SORBS2: variants seen among roughly 807,000 people sequenced by gnomAD.
SORBS2 encodes sorbin and SH3 domain-containing protein 2.
A neutral mutation model predicts 97.7 loss-of-function variants in SORBS2; 46 were observed. The ratio of observed to expected loss-of-function variants is 0.47; its 90% CI spans 0.37 to 0.60. The LOEUF is 0.60. Among genes scored for constraint, SORBS2 ranks in the 20% least tolerant of loss-of-function variants. The pLI, the probability that SORBS2 is intolerant of heterozygous loss-of-function variation, is 0.00. For missense variants in SORBS2, 1,316 were observed against 1,282.3 expected (o/e 1.03, Z -0.40); for synonymous variants, 476 against 473.4 (o/e 1.01, Z -0.07).
In SORBS2 at chr4:185,673,006, T is replaced by C. The variant is rs116697987; in HGVS notation, c.-46+5417A>G. ...GGACAAATAGATAAAGACAACGTGG[T>C]GTATACGCATACTAGGATACTATTC... On this transcript the variant is annotated intron_variant, in intron 4 of 20. Transcript: ENST00000284776. 6.1e-3 allele frequency among the ~76,000 whole-genome samples: 926 copies of C among 152,276 alleles called. 6 individuals are homozygous for C. Among genetic ancestry groups the C allele is most frequent in the African/African-American group, 0.021 (852 of 41,556 alleles).
At chr4:185,593,886 G>A (rs748395069) in exon 13 of SORBS2, 50 of 1,594,468 alleles carry the variant, frequency 3.1e-5, no homozygotes, top group Non-Finnish European at 4.3e-5. Context: ...GAATACTTAC[G>A]GTTCCCCCCC....
chr4:185,944,690 C>T (rs2099273696), intron 1 of SORBS2, among the ~76,000 whole-genome samples: 1 of 152,146 alleles, frequency 6.6e-6, no homozygotes, highest in African/African-American at 2.4e-5. Context: ...ATTGCAGATA[C>T]TCATGAGACA....
chr4:185,951,071 T>A (rs2099277002), intron 1 of SORBS2, among the ~76,000 whole-genome samples: 1 of 152,170 alleles, frequency 6.6e-6, no homozygotes, highest in Non-Finnish European at 1.5e-5. Flanking sequence ...GACATCATAC[T>A]CAACAAAACA....
intron 1 of SORBS2, among the ~76,000 whole-genome samples, chr4:185,919,122 T>C (rs1210229620): frequency 1.3e-5 from 2 of 152,206 alleles, no homozygotes; most frequent in East Asian, 3.8e-4. Context: ...TGAATTTCTT[T>C]AGTGCAGTCA....
intron 13 of SORBS2, among the ~76,000 whole-genome samples, chr4:185,590,668 G>A (rs548844749): frequency 6.6e-6 from 1 of 152,142 alleles, no homozygotes; most frequent in Non-Finnish European, 1.5e-5. Flanking sequence ...TACTGTGGTG[G>A]AAATTGATCA....
chr4:185,679,691 T>C (rs138636251), intron 2 of SORBS2, among the ~76,000 whole-genome samples: 2 of 152,328 alleles, frequency 1.3e-5, no homozygotes, highest in African/African-American at 2.4e-5. Flanking sequence ...GGTTGGATCA[T>C]TAGCCCAACC....
chr4:185,681,903 A>G (rs774758980), intron 2 of SORBS2, among the ~76,000 whole-genome samples: 1 of 152,132 alleles, frequency 6.6e-6, no homozygotes, highest in Non-Finnish European at 1.5e-5. Flanking sequence ...ATCCCTTTTA[A>G]CTGATATGCT....
At chr4:185,874,880 A>G (rs2099232591) in intron 1 of SORBS2, among the ~76,000 whole-genome samples, 1 of 100,920 alleles carries the variant, frequency 9.9e-6, no homozygotes, top group African/African-American at 3.1e-5. Flanking sequence ...TTTGCATGCT[A>G]CAGTATATTG....
At chr4:185,934,367 G>A (rs1243139807) in intron 1 of SORBS2, among the ~76,000 whole-genome samples, 1 of 152,152 alleles carries the variant, frequency 6.6e-6, no homozygotes, top group Non-Finnish European at 1.5e-5. Flanking sequence ...CAGTGAAACA[G>A]AATGAAGACA....
intron 1 of SORBS2, among the ~76,000 whole-genome samples, chr4:185,890,477 G>T (rs2099241908): frequency 6.6e-6 from 1 of 152,142 alleles, no homozygotes; most frequent in South Asian, 2.1e-4. Flanking sequence ...GTTTAGCCAG[G>T]ATTAGAACTG....
chr4:185,885,188 T>C (rs1347339513), intron 1 of SORBS2, among the ~76,000 whole-genome samples: 1 of 152,220 alleles, frequency 6.6e-6, no homozygotes, highest in Non-Finnish European at 1.5e-5. Context: ...AAGTAAGTGG[T>C]CTTTGTAGCC....
intron 1 of SORBS2, among the ~76,000 whole-genome samples, chr4:185,934,505 A>T (rs2099267980): frequency 6.6e-6 from 1 of 152,190 alleles, no homozygotes; most frequent in Admixed American, 6.5e-5. Flanking sequence ...TCACACCTGT[A>T]ATCCCAGCAC....
intron 7 of SORBS2, among the ~76,000 whole-genome samples, chr4:185,621,476 A>T (rs1172015748): frequency 6.6e-6 from 1 of 152,216 alleles, no homozygotes; most frequent in East Asian, 1.9e-4. Flanking sequence ...TTATATTAGG[A>T]TATTAAAAGC....
chr4:185,666,225 T>C (rs1308537039), intron 4 of SORBS2: 1 of 1,187,728 alleles, frequency 8.4e-7, no homozygotes, highest in Non-Finnish European at 1.1e-6. Context: ...GAGGAAAAAA[T>C]AATAAGAGAT....
At chr4:185,853,968 G>C (rs1212241770) in intron 1 of SORBS2, among the ~76,000 whole-genome samples, 2 of 152,324 alleles carry the variant, frequency 1.3e-5, no homozygotes, top group East Asian at 3.9e-4. Flanking sequence ...ATAGGAGTCA[G>C]AGTTTAAGAA....
At chr4:185,791,470 A>G (rs2153646590) in intron 1 of SORBS2, among the ~76,000 whole-genome samples, 1 of 152,256 alleles carries the variant, frequency 6.6e-6, no homozygotes, top group Admixed American at 6.5e-5. Context: ...ACAGTGGAGA[A>G]AAGTGAATGA....
chr4:185,613,461 A>G (rs1484027891), intron 11 of SORBS2, among the ~76,000 whole-genome samples: 1 of 152,032 alleles, frequency 6.6e-6, no homozygotes, highest in Non-Finnish European at 1.5e-5. Flanking sequence ...CAGCCTGGCC[A>G]ACATAGTGAA....
chr4:185,813,306 C>T (rs2099189983), intron 1 of SORBS2, among the ~76,000 whole-genome samples: 1 of 152,120 alleles, frequency 6.6e-6, no homozygotes, highest in African/African-American at 2.4e-5. Context: ...AGTATTAATT[C>T]CCAAATTTTG....
intron 2 of SORBS2, among the ~76,000 whole-genome samples, chr4:185,700,540 A>C (rs2098246197): frequency 6.6e-6 from 1 of 152,210 alleles, no homozygotes; most frequent in African/African-American, 2.4e-5. Flanking sequence ...TATGCTTTAA[A>C]TTGACAAGAA....
Sources: allele counts gnomAD v4.1 joint callset (sites outside exome capture counted in the v4.1 genomes callset), GRCh38; gene constraint gnomAD v4.1.1; transcripts MANE v1.5; gene names NCBI Gene and HGNC (gene_info 2026-07-23, HGNC 2026-07-21).